The following RNH1 variants were observed in gnomAD, a reference collection of about 807,000 sequenced individuals.
The protein encoded by RNH1 is ribonuclease/angiogenin inhibitor 1.
Under a neutral mutation model 46.1 loss-of-function variants are expected in RNH1, and 38 were observed. The observed-to-expected ratio is 0.82, with a 90% CI of 0.64 to 1.08. RNH1 has a LOEUF of 1.08. Among genes scored for constraint, RNH1 ranks in the 50% least tolerant of loss-of-function variants. The pLI, the probability that RNH1 is intolerant of heterozygous loss-of-function variation, is 0.00. For missense variants in RNH1, 577 were observed against 590.7 expected (o/e 0.98, Z 0.24); for synonymous variants, 319 against 279.1 (o/e 1.14, Z -1.43).
chr11:498,311 C>A, intron 8 of RNH1, 146 bp downstream of exon 8: 2 of 1,275,452 alleles, frequency 1.6e-6, no homozygotes, highest in Middle Eastern at 2.6e-4. Flanking sequence ...TCCCATCAAA[C>A]CACAGGCTGC....
chr11:501,810 C>T lies in RNH1; in HGVS notation c.101+252G>A, dbSNP rs1167859961. 5.2e-5 allele frequency: 28 copies of T among 534,308 alleles called. No individual in the cohort carries two copies. Among genetic ancestry groups the T allele is most frequent in the Middle Eastern group, 5.0e-4 (1 of 2,016 alleles). The allele number at this position is 534,308 out of a possible 1,614,324, so 33.1% of individuals were successfully genotyped here. On this transcript the variant is annotated intron_variant, in intron 3 of 10. Transcript: ENST00000354420. The surrounding 1 kb of genome is among the most constrained non-coding windows in gnomAD (Gnocchi z 4.1). ...GGAGCTGAGACACCGGAGCCAGAGA[C>T]CCACTGGCCAGTGGCCGCCCACCTC...
rs367811812 is a variant in RNH1, at chr11:494,741, G to A, written c.1336C>T (p.Arg446Trp). ...DIYWSEEMED[R>W]LQALEKDKPS... ...TTGTCCTTCTCCAGGGCCTGCAGCC[G>A]GTCCTCCATCTCCTCAGACCAGTAA... The change falls in exon 11 of 11, where the codon CGG becomes TGG. Residue 446 changes from arginine to tryptophan, a missense_variant. By Grantham distance (101) the Arg-to-Trp change is moderately radical (BLOSUM62 -3). Coordinates refer to ENST00000354420, the MANE Select transcript of RNH1 (RefSeq NM_203387.3). 26 of 1,613,766 alleles carry A rather than the reference G, an allele frequency of 1.6e-5. No homozygotes were observed. Among genetic ancestry groups the A allele is most frequent in the South Asian group, 7.7e-5 (7 of 91,086 alleles).
Position 501,010 on chromosome 11 carries a change from C to G in RNH1, c.102-356G>C. The G allele has an allele frequency of 2.7e-6, 1 of 375,238 alleles. No homozygotes were observed. Among genetic ancestry groups the G allele is most frequent in the Non-Finnish European group, 5.2e-6 (1 of 193,436 alleles). The allele number at this position is 375,238 out of a possible 1,614,324, so 23.2% of individuals were successfully genotyped here. ...GGGCGTGGTGGCGCATGCCCATAAT[C>G]CCAGCTACTCGGGAGGCTGAGGCAG... On this transcript the variant is annotated intron_variant, in intron 3 of 10. Transcript: ENST00000354420. This position sits in a 1 kb window ranked among gnomAD's most constrained non-coding sequence, Gnocchi z 4.1.
At chr11:505,113 T>C (rs11827672) in intron 1 of RNH1, 117 bp from the exon 2 acceptor site, 28,699 of 152,034 alleles carry the variant, frequency 0.19, 2,720 homozygotes, top group Middle Eastern at 0.27. Flanking sequence ...CTCTAAAACA[T>C]GTAAAACCAA....
chr11:494,998 A>G lies in RNH1; in HGVS notation c.1183T>C (p.Leu395=). Residue 395 remains leucine, a synonymous_variant, in exon 10 of 11, where the codon TTG becomes CTG. Transcript: ENST00000354420. ...SSCSSLAATL[L]ANHSLRELDL... The stretch of plus-strand genomic sequence containing the variant: ...AGCTCACGCAGGCTGTGGTTGGCCA[A>G]CAGGGTTGCGGCGAGGCTGCTGCAG... 6.2e-7 allele frequency: 1 copy of G among 1,605,400 alleles called. No homozygotes were observed. The highest frequency in any genetic ancestry group is 8.5e-7 in the Non-Finnish European group (1 of 1,176,518).
chr11:495,497 G>A (rs1565013849), intron 9 of RNH1, among the ~76,000 whole-genome samples: 1 of 152,206 alleles, frequency 6.6e-6, no homozygotes, highest in Non-Finnish European at 1.5e-5. Flanking sequence ...AGAGACAAGA[G>A]AACGGGTCAG....
At chr11:500,830 T>G (rs1358381665) in intron 3 of RNH1, 176 bp from the exon 4 acceptor site, 1 of 828,706 alleles carries the variant, frequency 1.2e-6, no homozygotes, top group Non-Finnish European at 2.0e-6. Context: ...AAAGTTTTGT[T>G]TAAGATGCTC....
In RNH1 at chr11:499,003, C is replaced by T. The variant is rs1168857919; in HGVS notation, c.614+12G>A. On this transcript the variant is annotated intron_variant, in intron 6 of 10. Transcript: ENST00000354420. ...GCCCACACCCCGCACCCCCCCAAGG[C>T]CCAGTGCCTACTTGAGCGCCTCCAG... The T allele has an allele frequency of 6.2e-7, 1 of 1,612,438 alleles. No homozygotes were observed. Among genetic ancestry groups the T allele is most frequent in the African/African-American group, 1.3e-5 (1 of 74,874 alleles).
chr11:503,515 T>C (rs1468183613), intron 2 of RNH1: 1 of 149,148 alleles, frequency 6.7e-6, no homozygotes, highest in Non-Finnish European at 1.5e-5. Context: ...CGGCCCCACA[T>C]GGAGGAACTG....
At chr11:495,321 G>A (rs578047324) in intron 9 of RNH1, among the ~76,000 whole-genome samples, 36 of 152,154 alleles carry the variant, frequency 2.4e-4, no homozygotes, top group Admixed American at 1.3e-3. Context: ...GAGAGATGTC[G>A]TCCACCCAGA....
chr11:494,839 C>G (rs772978831), intron 10 of RNH1, 44 bp downstream of exon 10: 1 of 1,612,344 alleles, frequency 6.2e-7, no homozygotes, highest in East Asian at 2.2e-5. Flanking sequence ...GCCTTCCTCC[C>G]TGGGCAGCCC....
chr11:495,415 G>C (rs1848967216), intron 9 of RNH1, among the ~76,000 whole-genome samples: 1 of 152,234 alleles, frequency 6.6e-6, no homozygotes, highest in Non-Finnish European at 1.5e-5. Flanking sequence ...CTGAGGAGCA[G>C]CTGTGGGGAA....
At position 501,974 on chromosome 11, in the gene RNH1, G is replaced by T; in HGVS notation, c.101+88C>A. On this transcript the variant is annotated intron_variant, in intron 3 of 10. Transcript: ENST00000354420. The surrounding 1 kb of genome is among the most constrained non-coding windows in gnomAD (Gnocchi z 4.1). The stretch of plus-strand genomic sequence containing the variant: ...CATACTTCATGTCCACAAACAAGGC[G>T]TTCCAGAGCAATGCACCCTTCAGAG... The T allele has an allele frequency of 2.5e-6, 2 of 797,186 alleles. No individual in the cohort carries two copies. The highest frequency in any genetic ancestry group is 4.2e-6 in the Non-Finnish European group (2 of 476,336). The allele number at this position is 797,186 out of a possible 1,614,324, so 49.4% of individuals were successfully genotyped here.
At chr11:505,751 G>A (rs554736947) in intron 1 of RNH1, 1 of 152,132 alleles carries the variant, frequency 6.6e-6, no homozygotes, top group African/African-American at 2.4e-5. Flanking sequence ...GTAGAGACGG[G>A]GGTCTCACTA....
intron 9 of RNH1, among the ~76,000 whole-genome samples, chr11:496,042 A>G (rs1411867067): frequency 1.3e-5 from 2 of 150,190 alleles, no homozygotes; most frequent in Non-Finnish European, 3.0e-5. Flanking sequence ...GGGTCACTCC[A>G]CAAGACATCA....
chr11:497,394 C>T (rs1407027185), intron 9 of RNH1, among the ~76,000 whole-genome samples: 4 of 148,714 alleles, frequency 2.7e-5, no homozygotes, highest in Non-Finnish European at 5.9e-5. Flanking sequence ...CTCGGACACT[C>T]GTGCTCTCAC....
chr11:506,944 G>C (rs1850326194), intron 1 of RNH1, 169 bp downstream of exon 1: 1 of 152,216 alleles, frequency 6.6e-6, no homozygotes, highest in South Asian at 2.1e-4. Context: ...GCCCCGCCTC[G>C]ATAGCCCCGG....
chr11:497,365 A>ATTCTTGC (rs1242193760), intron 9 of RNH1, among the ~76,000 whole-genome samples: 2 of 104,052 alleles, frequency 1.9e-5, no homozygotes, highest in Admixed American at 1.1e-4. Flanking sequence ...ACTCATGCTC[A>ATTCTTGC]CTCACCCATG....
chr11:500,535 T>A lies in RNH1; in HGVS notation c.221A>T (p.His74Leu). The A allele has an allele frequency of 6.2e-7, 1 of 1,610,700 alleles. No homozygotes were observed. The highest frequency in any genetic ancestry group is 2.2e-5 in the East Asian group (1 of 44,882). Residue 74 changes from histidine to leucine, a missense_variant, in exon 4 of 11, where the codon CAT (histidine) becomes CTT (leucine). His to Leu is a moderately conservative substitution (Grantham distance 99). Transcript: ENST00000354420. Reference protein sequence around the residue: ...RSNELGDVGVHCVLQGLQTPS... With the variant: ...RSNELGDVGVLCVLQGLQTPS... ...GGTCTGCAGGCCCTGGAGCACGCAA[T>A]GCACGCCGACATCGCCCAGCTCGTT... is the stretch of plus-strand genomic sequence containing the variant.
Sources: allele counts gnomAD v4.1 joint callset (sites outside exome capture counted in the v4.1 genomes callset), GRCh38; gene constraint gnomAD v4.1.1; non-coding constraint Gnocchi (gnomAD v3.1); transcripts MANE v1.5; gene names NCBI Gene and HGNC (gene_info 2026-07-23, HGNC 2026-07-21).